STXBP5L: variants seen among roughly 807,000 people sequenced by gnomAD.
STXBP5L encodes the protein syntaxin binding protein 5L.
A neutral mutation model predicts 144.5 loss-of-function variants in STXBP5L; 65 were observed. The ratio of observed to expected loss-of-function variants is 0.45; its 90% CI spans 0.37 to 0.55. The LOEUF is 0.55. Ranked by LOEUF, STXBP5L falls within the 20% of genes least tolerant of loss-of-function variation. The probability of loss-of-function intolerance (pLI) is 0.00; values close to 1 mark genes in which losing one functional copy is unlikely to be tolerated. For synonymous variants in STXBP5L, 505 were observed against 469.6 expected (o/e 1.08, Z -0.97); for missense variants, 1,298 against 1,405.5 (o/e 0.92, Z 1.22).
intron 3 of STXBP5L, among the ~76,000 whole-genome samples, chr3:121,026,624 A>T (rs1048139772): frequency 6.6e-6 from 1 of 152,088 alleles, no homozygotes; most frequent in Admixed American, 6.6e-5. Flanking sequence ...ACAAAGTTTG[A>T]TGAACATAGG....
chr3:121,090,764 AT>A lies in STXBP5L; in HGVS notation c.471-24153del, dbSNP rs57323041. Among the ~76,000 whole-genome samples, 1,078 of 150,194 alleles carry A rather than the reference AT, an allele frequency of 7.2e-3. 8 individuals carry two copies. Among genetic ancestry groups the A allele is most frequent in the African/African-American group, 0.025 (1,028 of 41,202 alleles). On this transcript the variant is annotated intron_variant, in intron 5 of 26. Transcript: ENST00000471454. ...ACAATTAGTGCCTCAGATGGTATGA[AT>A]TTTTTTTATTTTTTATTTTTTTATT...
chr3:121,227,140 T>A (rs1184186935), intron 11 of STXBP5L, among the ~76,000 whole-genome samples: 1 of 152,202 alleles, frequency 6.6e-6, no homozygotes, highest in Non-Finnish European at 1.5e-5. Context: ...AAGCAAATGC[T>A]TCCACCTTTG....
chr3:121,314,626 AGAGGG>A (rs2043713621), intron 19 of STXBP5L, among the ~76,000 whole-genome samples: 3 of 146,852 alleles, frequency 2.0e-5, no homozygotes, highest in Admixed American at 1.3e-4. Flanking sequence ...AGGGAGAGGG[AGAGGG>A]AGAGCGTAAG....
At chr3:121,159,282 G>T (rs1457915818) in intron 9 of STXBP5L, among the ~76,000 whole-genome samples, 1 of 151,636 alleles carries the variant, frequency 6.6e-6, no homozygotes, top group African/African-American at 2.4e-5. Context: ...TGACCCATTA[G>T]TTATTTAGAC....
chr3:121,170,835 AT>A (rs1402295824), intron 9 of STXBP5L, among the ~76,000 whole-genome samples: 2 of 152,244 alleles, frequency 1.3e-5, no homozygotes, highest in African/African-American at 4.8e-5. Flanking sequence ...TCCCTAACTC[AT>A]TTTATGAGGC....
chr3:121,054,666 C>G (rs1305795821), intron 5 of STXBP5L, among the ~76,000 whole-genome samples: 1 of 151,412 alleles, frequency 6.6e-6, no homozygotes, highest in African/African-American at 2.4e-5. Context: ...GTGCAGCACA[C>G]CAACATGGCA....
chr3:121,297,200 A>ATGTGTGTG (rs1377713743), intron 19 of STXBP5L, among the ~76,000 whole-genome samples: 1 of 68,728 alleles, frequency 1.5e-5, no homozygotes, highest in Non-Finnish European at 3.1e-5. Context: ...ATTCTACATT[A>ATGTGTGTG]TATGTGTGTG....
chr3:121,055,216 GA>G (rs1948367713), intron 5 of STXBP5L, among the ~76,000 whole-genome samples: 2 of 152,088 alleles, frequency 1.3e-5, no homozygotes, highest in Non-Finnish European at 2.9e-5. Flanking sequence ...TAACTTATTG[GA>G]GGAGATAAAA....
intron 19 of STXBP5L, among the ~76,000 whole-genome samples, chr3:121,296,185 A>G (rs1323716860): frequency 6.6e-6 from 1 of 152,216 alleles, no homozygotes; most frequent in East Asian, 1.9e-4. Context: ...CTCTATTCAC[A>G]TGTCAGACAC....
intron 20 of STXBP5L, among the ~76,000 whole-genome samples, chr3:121,339,057 A>G (rs931334507): frequency 6.6e-6 from 1 of 152,180 alleles, no homozygotes; most frequent in Non-Finnish European, 1.5e-5. Context: ...TGAAGCCAGT[A>G]TCACCTTGAT....
intron 20 of STXBP5L, among the ~76,000 whole-genome samples, chr3:121,352,319 T>A (rs1372484206): frequency 2.6e-5 from 4 of 152,184 alleles, no homozygotes; most frequent in Non-Finnish European, 4.4e-5. Flanking sequence ...TCCATGAGTA[T>A]GGAATGTTCT....
intron 18 of STXBP5L, among the ~76,000 whole-genome samples, chr3:121,271,730 T>C (rs1216609098): frequency 2.0e-5 from 3 of 152,214 alleles, no homozygotes; most frequent in Non-Finnish European, 4.4e-5. Flanking sequence ...ATCCTTTTAC[T>C]GCATCAATTA....
intron 19 of STXBP5L, among the ~76,000 whole-genome samples, chr3:121,294,544 G>A (rs1164779514): frequency 2.6e-5 from 4 of 152,040 alleles, no homozygotes; most frequent in African/African-American, 9.7e-5. Context: ...TTAGCATATA[G>A]GTGGTATATA....
At chr3:121,115,852 G>A (rs2044210397) in intron 6 of STXBP5L, among the ~76,000 whole-genome samples, 1 of 152,030 alleles carries the variant, frequency 6.6e-6, no homozygotes, top group East Asian at 1.9e-4. Context: ...AGGGGGAGGT[G>A]CCACACACTT....
At chr3:121,238,839 T>C in intron 12 of STXBP5L, 132 bp from the exon 13 acceptor site, 1 of 858,680 alleles carries the variant, frequency 1.2e-6, no homozygotes, top group Non-Finnish European at 1.6e-6. Flanking sequence ...ATACAATTCT[T>C]GTTTTATGGT....
At position 121,381,364 on chromosome 3, in the gene STXBP5L, G is replaced by A. The variant is rs558394726; in HGVS notation, c.2419G>A (p.Ala807Thr). 2.7e-5 allele frequency: 44 copies of A among 1,608,432 alleles called. No individual in the cohort carries two copies. In the South Asian group the frequency reaches 4.7e-4, roughly 17 times the overall value. Residue 807 changes from alanine to threonine, a missense_variant, in exon 22 of 27, where the codon GCA (alanine) becomes ACA (threonine). Physicochemically the swap from Ala to Thr is moderately conservative, Grantham distance 58 (BLOSUM62 0). Transcript: ENST00000471454. Reference protein sequence around the residue: ...ISSIDKDSKEAITALYFMDSF... With the variant: ...ISSIDKDSKETITALYFMDSF... ...CAGTATTGACAAAGATTCTAAAGAAGCAATTACAGCACTATACTTCATGGA... is the reference window on the plus strand; with the variant it reads ...CAGTATTGACAAAGATTCTAAAGAAACAATTACAGCACTATACTTCATGGA...
chr3:121,365,719 C>A (rs945232030), intron 20 of STXBP5L, among the ~76,000 whole-genome samples: 1 of 151,112 alleles, frequency 6.6e-6, no homozygotes, highest in Admixed American at 6.6e-5. Context: ...TCTGAAGACC[C>A]AACTTTTGAT....
intron 5 of STXBP5L, among the ~76,000 whole-genome samples, chr3:121,102,373 A>G (rs1473772801): frequency 6.6e-6 from 1 of 152,120 alleles, no homozygotes; most frequent in African/African-American, 2.4e-5. Flanking sequence ...GAGATAGACC[A>G]ATGGAACAGA....
chr3:121,280,064 A>G, intron 19 of STXBP5L, 108 bp downstream of exon 19: 1 of 1,274,854 alleles, frequency 7.8e-7, no homozygotes, highest in Non-Finnish European at 1.1e-6. Flanking sequence ...ATGGCAAAAT[A>G]AAATCAACAT....
Sources: allele counts gnomAD v4.1 joint callset (sites outside exome capture counted in the v4.1 genomes callset), GRCh38; gene constraint gnomAD v4.1.1; transcripts MANE v1.5; gene names NCBI Gene and HGNC (gene_info 2026-07-23, HGNC 2026-07-21).